The following COG5 variants were observed in gnomAD, a reference collection of about 807,000 sequenced individuals.
COG5 encodes the protein conserved oligomeric Golgi complex subunit 5.
Under a neutral mutation model 110.4 loss-of-function variants are expected in COG5, and 86 were observed. The observed-to-expected ratio is 0.78, with a 90% CI of 0.65 to 0.93. The LOEUF is 0.93. Among genes scored for constraint, COG5 ranks in the 40% least tolerant of loss-of-function variants. COG5 has a pLI of 0.00. For missense variants in COG5, 1,077 were observed against 987.0 expected (o/e 1.09, Z -1.22); for synonymous variants, 360 against 334.6 (o/e 1.08, Z -0.83).
At chr7:107,322,148 C>CT (rs1447585872) in intron 11 of COG5, among the ~76,000 whole-genome samples, 1 of 152,156 alleles carries the variant, frequency 6.6e-6, no homozygotes, top group Non-Finnish European at 1.5e-5. Context: ...TTTTATCTCC[C>CT]CAAATTCATA....
At position 107,474,949 on chromosome 7, in the gene COG5, G is replaced by A. The variant is rs1391718013; in HGVS notation, c.538+52288C>T. 1 of 1,612,536 alleles carries A rather than the reference G, an allele frequency of 6.2e-7. No individual in the cohort carries two copies. The highest frequency in any genetic ancestry group is 8.5e-7 in the Non-Finnish European group (1 of 1,179,288). On this transcript the variant is annotated intron_variant, in intron 6 of 21. Transcript: ENST00000297135. This position sits in a 1 kb window ranked among gnomAD's most constrained non-coding sequence, Gnocchi z 5.7. ...TTCTGTAATAATTGCCCTCCGGCGA[G>A]CTGTGAAACGACACCGTGAACGACG...
At chr7:107,370,802 TTA>T (rs769651624) in intron 8 of COG5, among the ~76,000 whole-genome samples, 2 of 143,382 alleles carry the variant, frequency 1.4e-5, no homozygotes, top group Admixed American at 7.0e-5. Context: ...AAAAAAAAAT[TTA>T]TATATATATA....
chr7:107,502,320 A>G (rs766267953), intron 6 of COG5, among the ~76,000 whole-genome samples: 3 of 152,108 alleles, frequency 2.0e-5, no homozygotes, highest in Non-Finnish European at 4.4e-5. Flanking sequence ...AGCTTAATCC[A>G]TGTTGCTGCA....
chr7:107,485,576 G>A (rs1369874321), intron 6 of COG5, among the ~76,000 whole-genome samples: 1 of 152,044 alleles, frequency 6.6e-6, no homozygotes, highest in Non-Finnish European at 1.5e-5. Flanking sequence ...AGAATCTAGT[G>A]ACACAAATAC....
At chr7:107,206,937 AACTCT>A (rs1798827081) in intron 21 of COG5, among the ~76,000 whole-genome samples, 1 of 152,214 alleles carries the variant, frequency 6.6e-6, no homozygotes, top group Admixed American at 6.5e-5. Flanking sequence ...AGTTAGTCTT[AACTCT>A]GGTTTGTAAC....
chr7:107,535,030 C>A (rs1801479508), intron 5 of COG5, among the ~76,000 whole-genome samples: 1 of 151,620 alleles, frequency 6.6e-6, no homozygotes, highest in African/African-American at 2.4e-5. Context: ...CAAAACCGCA[C>A]AACTATATAG....
intron 1 of COG5, among the ~76,000 whole-genome samples, chr7:107,559,805 T>G (rs866054220): frequency 6.6e-6 from 1 of 152,178 alleles, no homozygotes; most frequent in Non-Finnish European, 1.5e-5. Flanking sequence ...GGTTTAGCAG[T>G]GGCAAATGCC....
At chr7:107,519,723 G>T (rs1800191102) in intron 6 of COG5, among the ~76,000 whole-genome samples, 1 of 152,094 alleles carries the variant, frequency 6.6e-6, no homozygotes, top group African/African-American at 2.4e-5. Context: ...GTACAAAGAG[G>T]AGCTGGTACC....
intron 5 of COG5, among the ~76,000 whole-genome samples, chr7:107,543,540 C>T (rs1802204499): frequency 6.6e-6 from 1 of 152,220 alleles, no homozygotes; most frequent in African/African-American, 2.4e-5. Flanking sequence ...CTAATCCCAA[C>T]TCAGGCTCCA....
intron 6 of COG5, among the ~76,000 whole-genome samples, chr7:107,507,748 C>T (rs1006108903): frequency 1.3e-5 from 2 of 151,946 alleles, no homozygotes; most frequent in Non-Finnish European, 2.9e-5. Flanking sequence ...AAGTGAGAAA[C>T]GTTTGCCTAT....
intron 21 of COG5, chr7:107,208,777 G>A (rs781453593): frequency 1.9e-4 from 185 of 985,354 alleles, no homozygotes; most frequent in Non-Finnish European, 2.2e-4. Context: ...GAGGGCCAGT[G>A]GCTCATGTGG....
intron 6 of COG5, among the ~76,000 whole-genome samples, chr7:107,446,981 G>A (rs576519388): frequency 1.3e-5 from 2 of 152,314 alleles, no homozygotes; most frequent in Middle Eastern, 3.4e-3. Flanking sequence ...TCTGCTCTGG[G>A]TGTTGCAAAC....
intron 7 of COG5, among the ~76,000 whole-genome samples, chr7:107,392,873 G>C (rs906429748): frequency 6.6e-6 from 1 of 152,044 alleles, no homozygotes; most frequent in Non-Finnish European, 1.5e-5. Context: ...AAATACACAC[G>C]TTAGCTCAAA....
intron 11 of COG5, among the ~76,000 whole-genome samples, chr7:107,310,683 G>A (rs1808149347): frequency 6.6e-6 from 1 of 152,126 alleles, no homozygotes; most frequent in Non-Finnish European, 1.5e-5. Flanking sequence ...CAAAAATGAA[G>A]TAGCTTCATT....
chr7:107,527,381 G>A lies in COG5; in HGVS notation c.418-24C>T, dbSNP rs777947674. 17 of 1,611,754 alleles carry A rather than the reference G, an allele frequency of 1.1e-5. No individual in the cohort carries two copies. In the East Asian group the frequency reaches 3.8e-4, roughly 36 times the overall value. On this transcript the variant is annotated intron_variant, in intron 5 of 21. Transcript: ENST00000297135. ...ACCTGTGCAAACATCACAATGTTAA[G>A]TTAGTTGATCCATGAAGTTTTATTA...
chr7:107,243,157 T>TTA (rs983938953), intron 17 of COG5, among the ~76,000 whole-genome samples: 6 of 151,978 alleles, frequency 3.9e-5, no homozygotes, highest in Non-Finnish European at 7.4e-5. Flanking sequence ...TTTAACAATC[T>TTA]TATATATATA....
chr7:107,560,807 G>C (rs2253271), intron 1 of COG5, among the ~76,000 whole-genome samples: 42,306 of 152,034 alleles, frequency 0.28, 5,912 homozygotes, highest in East Asian at 0.33. Context: ...TTATGGAATG[G>C]CATATCATAA....
intron 10 of COG5, among the ~76,000 whole-genome samples, chr7:107,336,317 C>T (rs1810694389): frequency 6.6e-6 from 1 of 152,164 alleles, no homozygotes; most frequent in Non-Finnish European, 1.5e-5. Context: ...CATATTCTTA[C>T]ACTATGTGTG....
chr7:107,442,856 C>G (rs1227205856), intron 6 of COG5, among the ~76,000 whole-genome samples: 1 of 152,078 alleles, frequency 6.6e-6, no homozygotes, highest in African/African-American at 2.4e-5. Flanking sequence ...AGTCTGGAAT[C>G]TACTGTAATA....
Sources: allele counts gnomAD v4.1 joint callset (sites outside exome capture counted in the v4.1 genomes callset), GRCh38; gene constraint gnomAD v4.1.1; non-coding constraint Gnocchi (gnomAD v3.1); transcripts MANE v1.5; gene names NCBI Gene and HGNC (gene_info 2026-07-23, HGNC 2026-07-21).